The following SPNS2 variants were observed in gnomAD, a reference collection of about 807,000 sequenced individuals.
SPNS2 encodes sphingosine-1-phosphate transporter SPNS2.
Under a neutral mutation model 57.6 loss-of-function variants are expected in SPNS2, and 37 were observed. That is an observed-to-expected ratio of 0.64 (90% CI 0.49 to 0.85). SPNS2 has a LOEUF of 0.85. SPNS2 is among the 40% of genes least tolerant of loss of function. The probability of loss-of-function intolerance (pLI) is 0.00; values close to 1 mark genes in which losing one functional copy is unlikely to be tolerated. For synonymous variants in SPNS2, 440 were observed against 346.9 expected, an observed-to-expected ratio of 1.27 and a Z score of -2.98; for missense variants, 831 against 779.1, an observed-to-expected ratio of 1.07 and a Z score of -0.79.
intron 2 of SPNS2, among the ~76,000 whole-genome samples, chr17:4,521,747 A>C (rs1365533989): frequency 6.6e-6 from 1 of 152,250 alleles, no homozygotes; most frequent in Non-Finnish European, 1.5e-5. Flanking sequence ...GCTGTGTTTC[A>C]GCGTTATCTG....
At chr17:4,516,547 G>T (rs1334821713) in intron 2 of SPNS2, among the ~76,000 whole-genome samples, 1 of 152,190 alleles carries the variant, frequency 6.6e-6, no homozygotes, top group East Asian at 1.9e-4. Flanking sequence ...GGCACAGGGG[G>T]CTGTGGGAGC....
chr17:4,538,621 TGGTGCGGGGGTGG>T lies in SPNS2; in HGVS notation c.*1178_*1190del, dbSNP rs1411173429. The T allele has an allele frequency of 4.7e-5, 22 of 471,690 alleles. No individual in the cohort carries two copies. Among genetic ancestry groups the T allele is most frequent in the Non-Finnish European group, 3.1e-5 (8 of 261,534 alleles). 29.2% of individuals were successfully genotyped at this position (471,690 alleles called of 1,614,324 possible). On this transcript the variant is annotated 3_prime_UTR_variant, in exon 13 of 13. Transcript: ENST00000329078. ...ACTTCTGCTGCAATCAAGGTGGTTC[TGGTGCGGGGGTGG>T]GGTGGGGGGTGAGGCCTTGTGGCCA...
In SPNS2 at chr17:4,537,759, G is replaced by A. The variant is rs1190333709; in HGVS notation, c.*311G>A. 2.4e-5 allele frequency: 11 copies of A among 456,330 alleles called. No individual in the cohort carries two copies. Among genetic ancestry groups the A allele is most frequent in the Admixed American group, 1.6e-4 (7 of 42,554 alleles). 28.3% of individuals were successfully genotyped at this position (456,330 alleles called of 1,614,324 possible). A position where few individuals can be genotyped will look rare whatever the true frequency, so the allele number is the denominator to read the frequency against. The stretch of plus-strand genomic sequence containing the variant: ...TGGGTGTCCGGGGAGAGCCTGGCCT[G>A]CCACCAGCTTATGTGATCTTGGGCA... On this transcript the variant is annotated 3_prime_UTR_variant, in exon 13 of 13. Coordinates refer to ENST00000329078, the MANE Select transcript of SPNS2 (RefSeq NM_001124758.3).
chr17:4,499,361 C>T lies in SPNS2; in HGVS notation c.314C>T (p.Ala105Val). ...ASLGRGRGAA[A>V]AILSLGNVLN... Reference sequence around the variant, plus strand: ...TTGGGCCGCGGGCGGGGGGCAGCCGCCGCCATCCTCAGCTTGGGCAACGTG... The same window carrying T: ...TTGGGCCGCGGGCGGGGGGCAGCCGTCGCCATCCTCAGCTTGGGCAACGTG... Residue 105 changes from alanine to valine, a missense_variant, in exon 1 of 13, where the codon GCC (alanine) becomes GTC (valine). Ala to Val is a moderately conservative substitution (Grantham distance 64). Around this residue, in one of 2 missense-constraint regions of SPNS2, gnomAD observed 305 missense variants for 378.3 expected, o/e 0.81. Coordinates refer to ENST00000329078, the MANE Select transcript of SPNS2 (RefSeq NM_001124758.3). This position sits in a 1 kb window ranked among gnomAD's most constrained non-coding sequence, Gnocchi z 5.2. The T allele has an allele frequency of 7.0e-7, 1 of 1,428,348 alleles. No individual in the cohort carries two copies. Among genetic ancestry groups the T allele is most frequent in the Non-Finnish European group, 9.1e-7 (1 of 1,095,410 alleles). 88.5% of individuals were successfully genotyped at this position (1,428,348 alleles called of 1,614,324 possible). A position where few individuals can be genotyped will look rare whatever the true frequency, so the allele number is the denominator to read the frequency against.
At chr17:4,514,726 C>T (rs545936812) in intron 2 of SPNS2, among the ~76,000 whole-genome samples, 1 of 152,382 alleles carries the variant, frequency 6.6e-6, no homozygotes, top group East Asian at 1.9e-4. Flanking sequence ...AATAAGTCTG[C>T]CTGCCCTGCC....
chr17:4,522,916 C>CG (rs1475984366), intron 2 of SPNS2, among the ~76,000 whole-genome samples: 7 of 152,246 alleles, frequency 4.6e-5, no homozygotes, highest in Admixed American at 4.6e-4. Context: ...AGCCAGGTCA[C>CG]GGCCTTTGTT....
chr17:4,527,444 A>G (rs1905287530), intron 3 of SPNS2, among the ~76,000 whole-genome samples: 1 of 152,242 alleles, frequency 6.6e-6, no homozygotes, highest in African/African-American at 2.4e-5. Flanking sequence ...ATTGAAAGAA[A>G]AGTTTGGCCT....
At chr17:4,536,050 C>A (rs772220067) in intron 9 of SPNS2, 26 bp from the exon 10 acceptor site, 1 of 1,600,948 alleles carries the variant, frequency 6.2e-7, no homozygotes, top group South Asian at 1.1e-5. Flanking sequence ...CTCCTCTGGC[C>A]GCTGACCTGC....
chr17:4,513,190 C>G, intron 1 of SPNS2, 57 bp from the exon 2 acceptor site: 1 of 1,577,926 alleles, frequency 6.3e-7, no homozygotes, highest in African/African-American at 1.3e-5. Flanking sequence ...CTGGGCTGGT[C>G]TGTGGGGACA....
intron 9 of SPNS2, among the ~76,000 whole-genome samples, chr17:4,534,594 G>A (rs1167791282): frequency 6.6e-6 from 1 of 152,002 alleles, no homozygotes; most frequent in Non-Finnish European, 1.5e-5. Flanking sequence ...GACAGCCCGG[G>A]AGATGAGTGT....
chr17:4,516,333 A>C (rs60529034), intron 2 of SPNS2, among the ~76,000 whole-genome samples: 5,493 of 126,018 alleles, frequency 0.044, 277 homozygotes, highest in African/African-American at 0.053. Flanking sequence ...AAAAAAAAAA[A>C]AAAAAAAAAA....
intron 1 of SPNS2, among the ~76,000 whole-genome samples, chr17:4,505,551 C>T (rs1212082455): frequency 1.3e-5 from 2 of 151,994 alleles, no homozygotes; most frequent in African/African-American, 4.8e-5. Context: ...GGCAGAGCGG[C>T]TTTTCTACAT....
chr17:4,529,095 C>T (rs1460941903), intron 3 of SPNS2, among the ~76,000 whole-genome samples: 1 of 151,852 alleles, frequency 6.6e-6, no homozygotes, highest in Non-Finnish European at 1.5e-5. Flanking sequence ...GCCAACACAC[C>T]CGGCTAATTT....
In SPNS2 at chr17:4,530,716, G is replaced by A. The variant is rs1414423921; in HGVS notation, c.658G>A (p.Asp220Asn). 25 of 1,613,934 alleles carry A rather than the reference G, an allele frequency of 1.5e-5. No individual in the cohort carries two copies. The highest frequency in any genetic ancestry group is 1.9e-5 in the Non-Finnish European group (23 of 1,179,980). ...YSTIAPTIIGDLFTKNTRTLM... is the reference protein window; with the variant it reads ...YSTIAPTIIGNLFTKNTRTLM... ...CACCATCGCCCCCACTATCATTGGCGACCTCTTCACCAAGAACACGCGTAC... is the reference window on the plus strand; with the variant it reads ...CACCATCGCCCCCACTATCATTGGCAACCTCTTCACCAAGAACACGCGTAC... The change falls in exon 4 of 13, where the codon GAC becomes AAC. Residue 220 changes from aspartate to asparagine, a missense_variant. Physicochemically the swap from Asp to Asn is conservative, Grantham distance 23. Coordinates refer to ENST00000329078, the MANE Select transcript of SPNS2 (RefSeq NM_001124758.3).
chr17:4,533,860 C>G lies in SPNS2; in HGVS notation c.1344+7C>G. ...CACTGCAGACATCCTCATGGTGAGC[C>G]AGGCAGGCCGAGGTCACCTTGTGCT... On this transcript the variant is annotated splice_region_variant and intron_variant, in intron 9 of 12. Coordinates refer to ENST00000329078, the MANE Select transcript of SPNS2 (RefSeq NM_001124758.3). The G allele has an allele frequency of 1.2e-6, 2 of 1,612,354 alleles. No individual in the cohort carries two copies. The highest frequency in any genetic ancestry group is 1.6e-4 in the Middle Eastern group (1 of 6,062).
intron 2 of SPNS2, among the ~76,000 whole-genome samples, chr17:4,518,649 G>A (rs1051822848): frequency 2.0e-5 from 3 of 152,216 alleles, no homozygotes; most frequent in Admixed American, 6.5e-5. Flanking sequence ...GTAGGCTCAC[G>A]AGGAAGTGCC....
At chr17:4,527,889 T>C (rs139611062) in intron 3 of SPNS2, among the ~76,000 whole-genome samples, 1 of 144,298 alleles carries the variant, frequency 6.9e-6, no homozygotes, top group East Asian at 2.0e-4. Context: ...ACTTGGGGTA[T>C]ACACCCAAGA....
Position 4,532,554 on chromosome 17 carries a change from C to A in SPNS2, c.805C>A (p.Leu269Met). 6.2e-7 allele frequency: 1 copy of A among 1,614,188 alleles called. No homozygotes were observed. The highest frequency in any genetic ancestry group is 1.1e-5 in the South Asian group (1 of 91,082). ...TGCTCTCTGGCAGGTGTCCCCTGTC[C>A]TGGGCATGATCACAGGAACACTCAT... The part of the protein sequence containing the change: ...WHWALRVSPV[L>M]GMITGTLILI... Residue 269 changes from leucine (L) to methionine (M), a missense_variant, in exon 6 of 13, where the codon CTG becomes ATG. Coordinates refer to ENST00000329078, the MANE Select transcript of SPNS2 (RefSeq NM_001124758.3).
intron 10 of SPNS2, 24 bp downstream of exon 10, chr17:4,536,198 G>A (rs766932597): frequency 1.2e-6 from 2 of 1,608,434 alleles, no homozygotes; most frequent in Non-Finnish European, 1.7e-6. Flanking sequence ...GGGTGGGGCT[G>A]GCCAGGGCAG....
Sources: allele counts gnomAD v4.1 joint callset (sites outside exome capture counted in the v4.1 genomes callset), GRCh38; gene constraint gnomAD v4.1.1; regional missense constraint gnomAD v4.1.1; non-coding constraint Gnocchi (gnomAD v3.1); transcripts MANE v1.5; gene names NCBI Gene and HGNC (gene_info 2026-07-23, HGNC 2026-07-21).